PRKN: variants seen among roughly 807,000 people sequenced by gnomAD.
PRKN encodes the protein E3 ubiquitin-protein ligase parkin.
A neutral mutation model predicts 59.5 loss-of-function variants in PRKN; 56 were observed. The observed-to-expected ratio is 0.94, with a 90% confidence interval of 0.76 to 1.18. The LOEUF (loss-of-function observed/expected upper bound fraction) is 1.18. PRKN is among the 50% of genes most tolerant of loss of function. The probability of loss-of-function intolerance (pLI) is 0.00; values close to 1 mark genes in which losing one functional copy is unlikely to be tolerated. For synonymous variants in PRKN, 250 were observed against 222.1 expected, an observed-to-expected ratio of 1.13 and a Z score of -1.12; for missense variants, 657 against 596.4, an observed-to-expected ratio of 1.10 and a Z score of -1.06.
chr6:162,011,414 T>TTA (rs1250703983), intron 5 of PRKN, among the ~76,000 whole-genome samples: 801 of 15,532 alleles, frequency 0.052, 197 homozygotes, highest in African/African-American at 0.3. Flanking sequence ...ATATAATATA[T>TTA]TATATTTTAT....
intron 7 of PRKN, among the ~76,000 whole-genome samples, chr6:161,645,510 G>A (rs529351864): frequency 5.3e-5 from 8 of 152,222 alleles, no homozygotes; most frequent in South Asian, 2.1e-4. Flanking sequence ...CAACTTAAAC[G>A]TTTATAAAAT....
chr6:162,708,391 T>C (rs954356067), intron 1 of PRKN, among the ~76,000 whole-genome samples: 3 of 152,202 alleles, frequency 2.0e-5, no homozygotes, highest in African/African-American at 7.2e-5. Flanking sequence ...TTAATTACCA[T>C]TTATAAAGTT....
chr6:162,418,518 C>T (rs1583540111), intron 2 of PRKN, among the ~76,000 whole-genome samples: 1 of 151,972 alleles, frequency 6.6e-6, no homozygotes, highest in East Asian at 2.0e-4. Flanking sequence ...AAAGTTGAGG[C>T]CAGCACTCAA....
chr6:161,680,756 TATATATATA>T lies in PRKN; in HGVS notation c.871+105007_871+105015del, dbSNP rs1383227168. Among the ~76,000 whole-genome samples, 73 of 20,006 alleles carry T rather than the reference TATATATATA, an allele frequency of 3.6e-3. 3 individuals carry two copies. The highest frequency in any genetic ancestry group is 9.5e-3 in the African/African-American group (68 of 7,170). The allele number at this position is 20,006 out of a possible 152,430, so 13.1% of individuals were successfully genotyped here. A position where few individuals can be genotyped will look rare whatever the true frequency, so the allele number is the denominator to read the frequency against. ...ATATATATATATATATATATATATATATATATATATATATATATATTTTTTTTTTTTTTT... is the reference window on the plus strand; with the variant it reads ...ATATATATATATATATATATATATATTATATATATATTTTTTTTTTTTTTT... On this transcript the variant is annotated intron_variant, in intron 7 of 11. Transcript: ENST00000366898.
chr6:161,497,478 T>C lies in PRKN; in HGVS notation c.1083+51376A>G, dbSNP rs983027158. ...AGATAAGAGACAGATATTACTCCTT[T>C]TTAAAACTCTGTATTCCCATTGAAA... On this transcript the variant is annotated intron_variant, in intron 9 of 11. Transcript: ENST00000366898. This position sits in a 1 kb window ranked among gnomAD's most constrained non-coding sequence, Gnocchi z 4.6. 4.6e-5 allele frequency among the ~76,000 whole-genome samples: 7 copies of C among 152,322 alleles called. No homozygotes were observed. Among genetic ancestry groups the C allele is most frequent in the African/African-American group, 1.7e-4 (7 of 41,574 alleles).
At chr6:161,433,909 C>G (rs897080910) in intron 9 of PRKN, among the ~76,000 whole-genome samples, 1 of 151,842 alleles carries the variant, frequency 6.6e-6, no homozygotes, top group East Asian at 1.9e-4. Flanking sequence ...CCCAGCTACT[C>G]GGGAGGCTGA....
chr6:162,502,941 TTTAAAG>T (rs1181679009), intron 1 of PRKN, among the ~76,000 whole-genome samples: 13 of 152,026 alleles, frequency 8.6e-5, no homozygotes. Flanking sequence ...CAAACTACAT[TTTAAAG>T]TTAAAGGATC....
chr6:161,458,788 GT>G lies in PRKN; in HGVS notation c.1084-71912del, dbSNP rs1387031647. On this transcript the variant is annotated intron_variant, in intron 9 of 11. Transcript: ENST00000366898. The surrounding 1 kb of genome is among the most constrained non-coding windows in gnomAD (Gnocchi z 6.1). Reference sequence around the variant, plus strand: ...TGTTAGGCTGTGGGTAGGCAAGCTTGTCAATGGAGAAATACTGACTTTGCCA... The same window carrying G: ...TGTTAGGCTGTGGGTAGGCAAGCTTGCAATGGAGAAATACTGACTTTGCCA... Among the ~76,000 whole-genome samples, 4 of 152,222 alleles carry G rather than the reference GT, an allele frequency of 2.6e-5. No homozygotes were observed. The highest frequency in any genetic ancestry group is 5.9e-5 in the Non-Finnish European group (4 of 68,038).
rs1031018718 is a variant in PRKN at position 161,549,496 on chromosome 6, T to C, written c.934-493A>G. Among the ~76,000 whole-genome samples the C allele has an allele frequency of 3.9e-5, 6 of 152,190 alleles. No homozygotes were observed. The highest frequency in any genetic ancestry group is 7.3e-5 in the Non-Finnish European group (5 of 68,030). On this transcript the variant is annotated intron_variant, in intron 8 of 11. Coordinates refer to ENST00000366898, the MANE Select transcript of PRKN (RefSeq NM_004562.3). The surrounding 1 kb of genome is among the most constrained non-coding windows in gnomAD (Gnocchi z 6.0). Reference sequence around the variant, plus strand: ...GGCCCAGCATTCCACCTCATAATATTGGCAGCCCACACAATATCAATGAGC... The same window carrying C: ...GGCCCAGCATTCCACCTCATAATATCGGCAGCCCACACAATATCAATGAGC...
chr6:162,480,362 T>G (rs900366943), intron 1 of PRKN, among the ~76,000 whole-genome samples: 1 of 152,138 alleles, frequency 6.6e-6, no homozygotes, highest in Non-Finnish European at 1.5e-5. Context: ...ATGGGGCACA[T>G]GGCTGTATAC....
rs536081243 is a variant in PRKN at position 162,154,882 on chromosome 6, C to G, written c.534+46249G>C. On this transcript the variant is annotated intron_variant, in intron 4 of 11. Coordinates refer to ENST00000366898, the MANE Select transcript of PRKN (RefSeq NM_004562.3). ...TTTCTTTCTTTGATAGATATTCTCTCTCACCAGTATAAAAGGAAATAGCTT... is the reference window on the plus strand; with the variant it reads ...TTTCTTTCTTTGATAGATATTCTCTGTCACCAGTATAAAAGGAAATAGCTT... Among the ~76,000 whole-genome samples, 3 of 151,366 alleles carry G rather than the reference C, an allele frequency of 2.0e-5. No individual in the cohort carries two copies. In the East Asian group the frequency reaches 5.8e-4, roughly 29 times the overall value.
intron 7 of PRKN, among the ~76,000 whole-genome samples, chr6:161,655,130 C>T (rs1383388285): frequency 7.1e-6 from 1 of 141,598 alleles, no homozygotes; most frequent in African/African-American, 3.1e-5. Flanking sequence ...CCCCTCATCA[C>T]CAGCAAGGTG....
intron 4 of PRKN, among the ~76,000 whole-genome samples, chr6:162,083,035 A>T (rs1285229909): frequency 6.6e-6 from 1 of 151,980 alleles, no homozygotes; most frequent in African/African-American, 2.4e-5. Flanking sequence ...GCTCACTGCA[A>T]CCTCTGCCTC....
chr6:161,997,124 G>A (rs901433641), intron 5 of PRKN, among the ~76,000 whole-genome samples: 1 of 152,054 alleles, frequency 6.6e-6, no homozygotes. Context: ...TCGACGCAAC[G>A]TGCTCTATTC....
intron 5 of PRKN, among the ~76,000 whole-genome samples, chr6:161,986,214 T>G (rs1781430056): frequency 6.6e-6 from 1 of 152,246 alleles, no homozygotes; most frequent in African/African-American, 2.4e-5. Flanking sequence ...TAAACATGAC[T>G]GTAGAACTGC....
At chr6:162,155,112 A>AAAAAC (rs367683916) in intron 4 of PRKN, among the ~76,000 whole-genome samples, 1 of 150,694 alleles carries the variant, frequency 6.6e-6, no homozygotes, top group Non-Finnish European at 1.5e-5. Flanking sequence ...CTAAAAAAAA[A>AAAAAC]AACAACAAAA....
At chr6:161,590,396 G>A (rs1355569170) in intron 7 of PRKN, among the ~76,000 whole-genome samples, 1 of 151,652 alleles carries the variant, frequency 6.6e-6, no homozygotes, top group Non-Finnish European at 1.5e-5. Flanking sequence ...TCGGGAGTTC[G>A]TGACCAGCCT....
At chr6:161,748,932 A>G (rs1788553726) in intron 7 of PRKN, among the ~76,000 whole-genome samples, 1 of 152,264 alleles carries the variant, frequency 6.6e-6, no homozygotes, top group Non-Finnish European at 1.5e-5. Flanking sequence ...TGTGTATTCC[A>G]CAACGCATGA....
chr6:161,657,025 C>T (rs1451788800), intron 7 of PRKN, among the ~76,000 whole-genome samples: 1 of 152,222 alleles, frequency 6.6e-6, no homozygotes, highest in Non-Finnish European at 1.5e-5. Flanking sequence ...ACTCACCAAT[C>T]TGTATCACAG....
Sources: gnomAD v4.1 joint callset for allele counts (sites outside exome capture counted in the v4.1 genomes callset) on GRCh38, gnomAD v4.1.1 for gene constraint, Gnocchi (gnomAD v3.1) non-coding constraint, MANE v1.5 for transcripts, NCBI Gene and HGNC (gene_info 2026-07-23, HGNC 2026-07-21) for gene names.